Variants in DCDC1 observed in about 807,000 individuals in gnomAD.
The protein encoded by DCDC1 is doublecortin domain containing 1.
DCDC1 carries 200 observed loss-of-function variants against 178.3 expected under a neutral mutation model. The ratio of observed to expected loss-of-function variants is 1.12; its 90% CI spans 1.00 to 1.26. DCDC1 has a LOEUF of 1.26. Ranked by LOEUF, DCDC1 falls within the 50% of genes most tolerant of loss-of-function variation. The probability of loss-of-function intolerance (pLI) is 0.00; values close to 1 mark genes in which losing one functional copy is unlikely to be tolerated. For missense variants in DCDC1, 1,983 were observed against 1,749.2 expected, an observed-to-expected ratio of 1.13 and a Z score of -2.38; for synonymous variants, 690 against 604.8, an observed-to-expected ratio of 1.14 and a Z score of -2.07.
chr11:30,906,232 G>T, intron 30 of DCDC1: 1 of 243,670 alleles, frequency 4.1e-6, no homozygotes, highest in Non-Finnish European at 8.0e-6. Context: ...GCTGTTCCAC[G>T]AAGTAAAGAT....
chr11:30,928,202 C>A (rs1449024883), intron 22 of DCDC1, among the ~76,000 whole-genome samples: 1 of 152,056 alleles, frequency 6.6e-6, no homozygotes, highest in African/African-American at 2.4e-5. Flanking sequence ...TCTCTTACTT[C>A]TTCTCCTCTA....
intron 9 of DCDC1, among the ~76,000 whole-genome samples, chr11:31,218,596 T>C (rs1023017756): frequency 6.6e-6 from 1 of 152,168 alleles, no homozygotes; most frequent in Non-Finnish European, 1.5e-5. Flanking sequence ...GAACTAAATT[T>C]TATCTTTTAT....
At chr11:31,030,636 G>A (rs12364877) in intron 20 of DCDC1, among the ~76,000 whole-genome samples, 9,148 of 152,116 alleles carry the variant, frequency 0.06, 416 homozygotes, top group Middle Eastern at 0.092. Context: ...CATATGTGCC[G>A]CCAAGCCCAC....
At chr11:30,922,395 A>G (rs1001951062) in intron 24 of DCDC1, 108 bp downstream of exon 24, 4 of 1,277,416 alleles carry the variant, frequency 3.1e-6, no homozygotes, top group South Asian at 3.9e-5. Context: ...AGCAAGATGC[A>G]GAGGTGAAAT....
intron 16 of DCDC1, among the ~76,000 whole-genome samples, chr11:31,093,437 C>T (rs999343428): frequency 6.6e-6 from 1 of 152,144 alleles, no homozygotes; most frequent in South Asian, 2.1e-4. Flanking sequence ...TGAACTGCAT[C>T]ATCTCTTTTC....
rs111375583 is a variant in DCDC1, at chr11:31,191,814, T to C, written c.1221+49636A>G. Among the ~76,000 whole-genome samples the C allele has an allele frequency of 2.2e-3, 337 of 152,212 alleles. 3 individuals are homozygous for C. Among genetic ancestry groups the C allele is most frequent in the African/African-American group, 7.7e-3 (318 of 41,540 alleles). ...AATTCACCATATTCATTTCCATCTATCTACTTTTGCTTGGTCATACATTTT... is the reference window on the plus strand; with the variant it reads ...AATTCACCATATTCATTTCCATCTACCTACTTTTGCTTGGTCATACATTTT... On this transcript the variant is annotated intron_variant, in intron 9 of 38. Coordinates refer to ENST00000684477, the MANE Select transcript of DCDC1 (RefSeq NM_001387274.1).
At chr11:31,133,773 G>A (rs188745425) in intron 10 of DCDC1, among the ~76,000 whole-genome samples, 6 of 152,082 alleles carry the variant, frequency 3.9e-5, no homozygotes, top group Admixed American at 6.5e-5. Context: ...GCACGAACTC[G>A]GCTCACTGCA....
At chr11:30,984,855 G>A (rs1032402082) in intron 20 of DCDC1, among the ~76,000 whole-genome samples, 8 of 152,154 alleles carry the variant, frequency 5.3e-5, no homozygotes, top group South Asian at 2.1e-4. Context: ...TGGAAACAAC[G>A]GGAGAAGAGA....
intron 18 of DCDC1, among the ~76,000 whole-genome samples, chr11:31,071,745 G>C (rs959841646): frequency 6.6e-6 from 1 of 152,098 alleles, no homozygotes. Flanking sequence ...GGTTATAAGG[G>C]GCACTTCAGC....
intron 9 of DCDC1, among the ~76,000 whole-genome samples, chr11:31,160,004 T>A (rs932155762): frequency 6.6e-6 from 1 of 152,198 alleles, no homozygotes; most frequent in South Asian, 2.1e-4. Flanking sequence ...CAGCAATGCT[T>A]GAGAATTTAA....
At chr11:30,934,096 C>T (rs979522456) in intron 21 of DCDC1, among the ~76,000 whole-genome samples, 5 of 152,168 alleles carry the variant, frequency 3.3e-5, no homozygotes, top group African/African-American at 1.2e-4. Context: ...CCAAGTATAA[C>T]TGATGAATCT....
intron 2 of DCDC1, among the ~76,000 whole-genome samples, chr11:31,330,118 T>A (rs1028925927): frequency 3.9e-4 from 60 of 152,350 alleles, no homozygotes; most frequent in Non-Finnish European, 5.9e-4. Flanking sequence ...GGTATCTCAT[T>A]GTGGTTTTGA....
At chr11:31,368,068 C>T (rs953214385) in intron 1 of DCDC1, among the ~76,000 whole-genome samples, 3 of 151,968 alleles carry the variant, frequency 2.0e-5, no homozygotes, top group African/African-American at 7.3e-5. Context: ...TTTCAATTAA[C>T]CGTGGAAATG....
At chr11:30,975,836 T>G (rs888268641) in intron 20 of DCDC1, among the ~76,000 whole-genome samples, 11 of 152,028 alleles carry the variant, frequency 7.2e-5, no homozygotes, top group Non-Finnish European at 1.3e-4. Flanking sequence ...GCCAATGTCA[T>G]TTTTTACAGA....
In DCDC1 at chr11:30,900,505, G is replaced by A. The variant is rs746213649; in HGVS notation, c.4511-7C>T. The A allele has an allele frequency of 1.2e-5, 18 of 1,517,228 alleles. No individual in the cohort carries two copies. Among genetic ancestry groups the A allele is most frequent in the Non-Finnish European group, 1.5e-5 (17 of 1,128,582 alleles). The allele number at this position is 1,517,228 out of a possible 1,614,324, so 94.0% of individuals were successfully genotyped here. A position where few individuals can be genotyped will look rare whatever the true frequency, so the allele number is the denominator to read the frequency against. ...ACTTTCATTCTTGGATTTTCTGGTG[G>A]AAAAAATGACACATTTATCATTGTT... On this transcript the variant is annotated splice_region_variant and splice_polypyrimidine_tract_variant and intron_variant, in intron 32 of 38. Transcript: ENST00000684477.
intron 18 of DCDC1, among the ~76,000 whole-genome samples, chr11:31,065,502 G>A (rs916110641): frequency 3.3e-5 from 5 of 152,112 alleles, no homozygotes; most frequent in Non-Finnish European, 7.4e-5. Flanking sequence ...ATGTAATTGT[G>A]TAGTTGCTGT....
chr11:31,014,468 C>T (rs987867735), intron 20 of DCDC1, among the ~76,000 whole-genome samples: 9 of 152,160 alleles, frequency 5.9e-5, no homozygotes, highest in Non-Finnish European at 1.2e-4. Context: ...AGCTTGACTA[C>T]AGCCTCATGG....
At chr11:31,184,075 G>C (rs980267115) in intron 9 of DCDC1, among the ~76,000 whole-genome samples, 1 of 152,126 alleles carries the variant, frequency 6.6e-6, no homozygotes, top group Non-Finnish European at 1.5e-5. Flanking sequence ...CATTGTACTG[G>C]TACCAAAACA....
chr11:31,084,421 G>A (rs1957359067), intron 17 of DCDC1, among the ~76,000 whole-genome samples: 1 of 151,956 alleles, frequency 6.6e-6, no homozygotes, highest in African/African-American at 2.4e-5. Flanking sequence ...TAGATGTCCT[G>A]GAAAAGATAA....
Sources: allele counts gnomAD v4.1 joint callset (sites outside exome capture counted in the v4.1 genomes callset), GRCh38; gene constraint gnomAD v4.1.1; transcripts MANE v1.5; gene names NCBI Gene and HGNC (gene_info 2026-07-23, HGNC 2026-07-21).